The following EP400 variants were observed in gnomAD, a reference collection of about 807,000 sequenced individuals.
EP400 encodes E1A-binding protein p400.
In EP400, 105 loss-of-function variants were observed where a neutral mutation model predicts 354.1. The ratio of observed to expected loss-of-function variants is 0.30; its 90% CI spans 0.25 to 0.35. EP400 has a LOEUF of 0.35. Ranked by LOEUF, EP400 falls within the 10% of genes least tolerant of loss-of-function variation. The pLI is 1.00. For missense variants in EP400, 3,280 were observed against 4,121.0 expected, an observed-to-expected ratio of 0.80 and a Z score of 5.59; for synonymous variants, 1,646 against 1,716.9, an observed-to-expected ratio of 0.96 and a Z score of 1.02.
rs1416471006 is a variant in EP400 at position 132,038,799 on chromosome 12, T to C, written c.6207+703T>C. 6.6e-6 allele frequency among the ~76,000 whole-genome samples: 1 copy of C among 152,154 alleles called. No homozygotes were observed. Among genetic ancestry groups the C allele is most frequent in the African/African-American group, 2.4e-5 (1 of 41,444 alleles). ...GCCAAAGCCCTGCAGCCCCACGTCCTGGAGATGGAGGCCTTCAGCTGCCTT... is the reference window on the plus strand; with the variant it reads ...GCCAAAGCCCTGCAGCCCCACGTCCCGGAGATGGAGGCCTTCAGCTGCCTT... On this transcript the variant is annotated intron_variant, in intron 32 of 52. Transcript: ENST00000389561. The surrounding 1 kb of genome is among the most constrained non-coding windows in gnomAD (Gnocchi z 4.2).
At chr12:132,076,676 A>G in intron 52 of EP400, 83 bp downstream of exon 52, 36 of 1,280,200 alleles carry the variant, frequency 2.8e-5, no homozygotes, top group Non-Finnish European at 3.7e-5. Context: ...TGATTAGGGA[A>G]TCACTTTTGA....
At chr12:132,004,481 T>C (rs2136521609) in intron 12 of EP400, among the ~76,000 whole-genome samples, 1 of 152,354 alleles carries the variant, frequency 6.6e-6, no homozygotes, top group South Asian at 2.1e-4. Flanking sequence ...TTTTGCTTTT[T>C]GTTTCTTCAT....
At chr12:132,034,076 T>C (rs2136561838) in intron 30 of EP400, among the ~76,000 whole-genome samples, 1 of 152,354 alleles carries the variant, frequency 6.6e-6, no homozygotes, top group East Asian at 1.9e-4. Context: ...TGTAAACTTT[T>C]TTTTTCTTTT....
At chr12:132,004,666 G>C (rs1054290981) in intron 12 of EP400, among the ~76,000 whole-genome samples, 2 of 152,014 alleles carry the variant, frequency 1.3e-5, no homozygotes, top group Non-Finnish European at 2.9e-5. Flanking sequence ...CATCTTTATA[G>C]AGAAAATATT....
rs948416461 is a variant in EP400, at chr12:132,050,405, A to G, written c.7283A>G (p.His2428Arg). The change falls in exon 40 of 53, where the codon CAC (histidine) becomes CGC (arginine). Residue 2428 changes from histidine (H) to arginine (R), a missense_variant. Coordinates refer to ENST00000389561, the MANE Select transcript of EP400 (RefSeq NM_015409.5). This position sits in a 1 kb window ranked among gnomAD's most constrained non-coding sequence, Gnocchi z 4.8. Reference protein sequence around the residue: ...NATHTQLYTSHFDLMKMTAGK... With the variant: ...NATHTQLYTSRFDLMKMTAGK... The stretch of plus-strand genomic sequence containing the variant: ...ACACACACCCAGCTGTACACGAGCC[A>G]CTTTGACTTAATGAAAATGACTGCT... 31 of 1,614,018 alleles carry G rather than the reference A, an allele frequency of 1.9e-5. No homozygotes were observed. The highest frequency in any genetic ancestry group is 2.5e-5 in the Non-Finnish European group (30 of 1,180,018).
At position 132,052,684 on chromosome 12, in the gene EP400, C is replaced by A. The variant is rs1895338144; in HGVS notation, c.7395-462C>A. 1.3e-5 allele frequency among the ~76,000 whole-genome samples: 2 copies of A among 152,054 alleles called. No homozygotes were observed. Among genetic ancestry groups the A allele is most frequent in the African/African-American group, 4.8e-5 (2 of 41,414 alleles). On this transcript the variant is annotated intron_variant, in intron 41 of 52. Transcript: ENST00000389561. The surrounding 1 kb of genome is among the most constrained non-coding windows in gnomAD (Gnocchi z 4.4). ...GTCGATTAAATGAAGAGTTAATTCA[C>A]CCTACTAATATTTATGGACCGCGGG...
intron 4 of EP400, 109 bp downstream of exon 4, chr12:131,981,705 A>G: frequency 1.1e-6 from 1 of 883,098 alleles, no homozygotes; most frequent in Non-Finnish European, 1.8e-6. Flanking sequence ...GCGTGTTTGC[A>G]GTGGGGTGCC....
rs1345906253 is a variant in EP400 at position 132,050,677 on chromosome 12, A to G, written c.7394+22A>G. On this transcript the variant is annotated intron_variant, in intron 41 of 52. Coordinates refer to ENST00000389561, the MANE Select transcript of EP400 (RefSeq NM_015409.5). The surrounding 1 kb of genome is among the most constrained non-coding windows in gnomAD (Gnocchi z 4.8). The stretch of plus-strand genomic sequence containing the variant: ...AAAGGTATTTCTCTATTCGTGACAC[A>G]TTTGTTACTGTTTGGAAGGATTTCA... 6.2e-7 allele frequency: 1 copy of G among 1,614,076 alleles called. No individual in the cohort carries two copies. The highest frequency in any genetic ancestry group is 2.2e-5 in the East Asian group (1 of 44,886).
At chr12:132,005,804 A>C (rs1421790699) in intron 13 of EP400, among the ~76,000 whole-genome samples, 5 of 152,058 alleles carry the variant, frequency 3.3e-5, no homozygotes, top group African/African-American at 1.2e-4. Context: ...AGACACCTAC[A>C]TGTATCTCTC....
Position 132,053,611 on chromosome 12 carries a change from T to A in EP400, c.7728+14T>A. The A allele has an allele frequency of 6.6e-7, 1 of 1,511,972 alleles. No individual in the cohort carries two copies. The highest frequency in any genetic ancestry group is 2.1e-5 in the Admixed American group (1 of 48,670). The allele number at this position is 1,511,972 out of a possible 1,614,324, so 93.7% of individuals were successfully genotyped here. On this transcript the variant is annotated intron_variant, in intron 43 of 52. Coordinates refer to ENST00000389561, the MANE Select transcript of EP400 (RefSeq NM_015409.5). ...GCAGCCGTACTGGTGAGCAGGGGCC[T>A]CCTCCCGGGCTTCCCCTCTACGGGA...
In EP400 at chr12:132,006,732, G is replaced by T; in HGVS notation, c.3159G>T (p.Gly1053=). 1.2e-6 allele frequency: 2 copies of T among 1,610,754 alleles called. 1 individual carries two copies. Among genetic ancestry groups the T allele is most frequent in the South Asian group, 2.2e-5 (2 of 90,162 alleles). Reference sequence around the variant, plus strand: ...TTAATGCTCCATCTTTGTTGTATGGGGCTCTCAGAGATTATCAGAAGATTG... The same window carrying T: ...TTAATGCTCCATCTTTGTTGTATGGTGCTCTCAGAGATTATCAGAAGATTG... The part of the protein sequence containing the change: ...VKFNAPSLLY[G]ALRDYQKIGL... Residue 1053 remains glycine, a synonymous_variant, in exon 15 of 53, where the codon GGG becomes GGT. Coordinates refer to ENST00000389561, the MANE Select transcript of EP400 (RefSeq NM_015409.5).
intron 12 of EP400, among the ~76,000 whole-genome samples, chr12:131,997,998 C>G (rs1410538388): frequency 1.3e-5 from 2 of 152,098 alleles, no homozygotes; most frequent in African/African-American, 2.4e-5. Context: ...GTGCAGTTTC[C>G]TTTTTTTCCC....
chr12:131,952,157 A>G (rs1891526969), intron 1 of EP400, among the ~76,000 whole-genome samples: 1 of 150,974 alleles, frequency 6.6e-6, no homozygotes, highest in African/African-American at 2.4e-5. Context: ...CAAAAAATTA[A>G]TCGGGCGTGG....
chr12:132,042,932 T>A (rs1470513383), intron 32 of EP400, among the ~76,000 whole-genome samples: 1 of 152,244 alleles, frequency 6.6e-6, no homozygotes, highest in African/African-American at 2.4e-5. Flanking sequence ...TGTCAGGAGC[T>A]GTGGGCAGTG....
In EP400 at chr12:132,038,700, G is replaced by A. The variant is rs1007390915; in HGVS notation, c.6207+604G>A. ...TGGGTCCTTTGATTTTTCCCTTTTG[G>A]GGGTGCTGCTGTGTAGACATGTCAC... is the stretch of plus-strand genomic sequence containing the variant. On this transcript the variant is annotated intron_variant, in intron 32 of 52. Coordinates refer to ENST00000389561, the MANE Select transcript of EP400 (RefSeq NM_015409.5). This position sits in a 1 kb window ranked among gnomAD's most constrained non-coding sequence, Gnocchi z 4.2. Among the ~76,000 whole-genome samples the A allele has an allele frequency of 6.6e-6, 1 of 152,150 alleles. No individual in the cohort carries two copies. The highest frequency in any genetic ancestry group is 1.5e-5 in the Non-Finnish European group (1 of 68,028).
intron 45 of EP400, among the ~76,000 whole-genome samples, chr12:132,060,650 G>T (rs1257728534): frequency 1.3e-5 from 2 of 152,152 alleles, no homozygotes; most frequent in Non-Finnish European, 2.9e-5. Flanking sequence ...GGGTGTGGTG[G>T]CCCACACCTA....
At chr12:132,076,314 G>C (rs1011566824) in intron 51 of EP400, 3 of 679,192 alleles carry the variant, frequency 4.4e-6, no homozygotes, top group Non-Finnish European at 8.1e-6. Context: ...TGGCAAATTG[G>C]GGAGGCAGTC....
chr12:131,952,133 C>T (rs1008508696), intron 1 of EP400, among the ~76,000 whole-genome samples: 1 of 150,752 alleles, frequency 6.6e-6, no homozygotes, highest in East Asian at 2.0e-4. Context: ...CACCCCCCAT[C>T]TCTACTAAAA....
chr12:132,047,065 G>A (rs1053269191), intron 39 of EP400, among the ~76,000 whole-genome samples: 1 of 152,234 alleles, frequency 6.6e-6, no homozygotes, highest in Non-Finnish European at 1.5e-5. Context: ...TTTCTCCATA[G>A]TAGCCAGATC....
Sources: allele counts gnomAD v4.1 joint callset (sites outside exome capture counted in the v4.1 genomes callset), GRCh38; gene constraint gnomAD v4.1.1; non-coding constraint Gnocchi (gnomAD v3.1); transcripts MANE v1.5; gene names NCBI Gene and HGNC (gene_info 2026-07-23, HGNC 2026-07-21).